PLCB4: variants seen among roughly 807,000 people sequenced by gnomAD.
The protein encoded by PLCB4 is phospholipase C beta 4.
PLCB4 carries 77 observed loss-of-function variants against 178.8 expected under a neutral mutation model. The observed-to-expected ratio is 0.43, with a 90% confidence interval of 0.36 to 0.52. The LOEUF (loss-of-function observed/expected upper bound fraction) is 0.52. Ranked by LOEUF, PLCB4 falls within the 20% of genes least tolerant of loss-of-function variation. The pLI is 0.00. For missense variants in PLCB4, 1,024 were observed against 1,453.4 expected (o/e 0.70, Z 4.80); for synonymous variants, 496 against 490.8 (o/e 1.01, Z -0.14).
chr20:9,171,416 C>T (rs1048454519), intron 2 of PLCB4, among the ~76,000 whole-genome samples: 2 of 152,184 alleles, frequency 1.3e-5, no homozygotes, highest in African/African-American at 4.8e-5. Context: ...AAATATTCAG[C>T]AGCTGTCTAT....
intron 2 of PLCB4, among the ~76,000 whole-genome samples, chr20:9,199,036 G>A (rs748829783): frequency 6.6e-6 from 1 of 152,158 alleles, no homozygotes; most frequent in East Asian, 1.9e-4. Flanking sequence ...GCTTGGATAA[G>A]GTTGGTCTAT....
intron 4 of PLCB4, among the ~76,000 whole-genome samples, chr20:9,332,438 C>G (rs1339566294): frequency 6.6e-6 from 1 of 151,622 alleles, no homozygotes; most frequent in Non-Finnish European, 1.5e-5. Flanking sequence ...TGTTTTAGTT[C>G]CTTTCAGCTG....
chr20:9,301,688 C>A (rs6140911), intron 3 of PLCB4, among the ~76,000 whole-genome samples: 2 of 152,114 alleles, frequency 1.3e-5, no homozygotes, highest in African/African-American at 4.8e-5. Flanking sequence ...CCTCAGCCCC[C>A]TTGTGTTCCT....
At chr20:9,224,213 C>T (rs1003613861) in intron 3 of PLCB4, among the ~76,000 whole-genome samples, 1 of 152,124 alleles carries the variant, frequency 6.6e-6, no homozygotes, top group East Asian at 1.9e-4. Context: ...CATTGCCACT[C>T]CTGTACCCAT....
intron 2 of PLCB4, among the ~76,000 whole-genome samples, chr20:9,151,745 G>C (rs879438162): frequency 3.3e-5 from 5 of 152,124 alleles, no homozygotes; most frequent in Non-Finnish European, 5.9e-5. Flanking sequence ...TTGCTGAAAA[G>C]ATACCCGAAA....
chr20:9,332,865 A>C (rs1274451566), intron 4 of PLCB4, among the ~76,000 whole-genome samples: 1 of 152,138 alleles, frequency 6.6e-6, no homozygotes, highest in Non-Finnish European at 1.5e-5. Context: ...TATTTTGAAA[A>C]TGATTTCTTC....
chr20:9,317,241 G>T (rs1376272291), intron 4 of PLCB4, among the ~76,000 whole-genome samples: 1 of 152,146 alleles, frequency 6.6e-6, no homozygotes, highest in Non-Finnish European at 1.5e-5. Context: ...TACTCCTCGT[G>T]TTCTTTTACT....
chr20:9,384,526 C>A, intron 14 of PLCB4, 115 bp downstream of exon 14: 1 of 719,674 alleles, frequency 1.4e-6, no homozygotes, highest in East Asian at 2.6e-5. Flanking sequence ...TTGTTTATTC[C>A]CTTTAATGGA....
intron 2 of PLCB4, among the ~76,000 whole-genome samples, chr20:9,194,532 C>CA (rs1158809378): frequency 6.6e-6 from 1 of 151,334 alleles, no homozygotes; most frequent in Non-Finnish European, 1.5e-5. Flanking sequence ...ACTAAAAATA[C>CA]AAAAAATTAG....
At chr20:9,184,447 AG>A (rs2147105427) in intron 2 of PLCB4, among the ~76,000 whole-genome samples, 1 of 152,264 alleles carries the variant, frequency 6.6e-6, no homozygotes, top group South Asian at 2.1e-4. Context: ...ATGTCATTGC[AG>A]GTGCTCTATT....
chr20:9,392,425 A>G (rs1362462869), intron 17 of PLCB4, among the ~76,000 whole-genome samples: 1 of 152,164 alleles, frequency 6.6e-6, no homozygotes, highest in Non-Finnish European at 1.5e-5. Context: ...TAAAGTTATA[A>G]AGTCATTTAC....
intron 3 of PLCB4, among the ~76,000 whole-genome samples, chr20:9,281,353 A>G (rs1601593345): frequency 6.6e-6 from 1 of 152,150 alleles, no homozygotes; most frequent in East Asian, 1.9e-4. Context: ...TGCTATTAAT[A>G]ATCTGTTAAT....
chr20:9,096,831 A>G (rs1463966916), intron 2 of PLCB4, among the ~76,000 whole-genome samples: 1 of 152,138 alleles, frequency 6.6e-6, no homozygotes, highest in Non-Finnish European at 1.5e-5. Flanking sequence ...GGTTGGGGGC[A>G]TTCTTGGGTG....
chr20:9,265,180 TG>T (rs2094336792), intron 3 of PLCB4, among the ~76,000 whole-genome samples: 1 of 152,036 alleles, frequency 6.6e-6, no homozygotes, highest in Non-Finnish European at 1.5e-5. Context: ...GAGGTGTACT[TG>T]AAAAGATGAC....
intron 9 of PLCB4, among the ~76,000 whole-genome samples, chr20:9,366,812 G>A (rs1568663176): frequency 6.6e-6 from 1 of 152,236 alleles, no homozygotes; most frequent in Non-Finnish European, 1.5e-5. Flanking sequence ...TCTCTTCCAG[G>A]GTTCTCCAGA....
intron 3 of PLCB4, among the ~76,000 whole-genome samples, chr20:9,287,027 G>T (rs1421624522): frequency 2.0e-5 from 3 of 151,608 alleles, no homozygotes; most frequent in Admixed American, 6.6e-5. Flanking sequence ...GTGTTTTTTT[G>T]TTTGTTTGTT....
chr20:9,088,857 G>A (rs1394487801), intron 1 of PLCB4, among the ~76,000 whole-genome samples: 1 of 151,898 alleles, frequency 6.6e-6, no homozygotes, highest in African/African-American at 2.4e-5. Flanking sequence ...GTATATATAT[G>A]TAAATGTGTA....
intron 2 of PLCB4, among the ~76,000 whole-genome samples, chr20:9,097,178 G>GCC (rs1157649006): frequency 6.7e-6 from 1 of 148,970 alleles, no homozygotes; most frequent in African/African-American, 2.5e-5. Context: ...CAAGTGAGCT[G>GCC]CCTACCCCGG....
At chr20:9,476,838 A>G (rs2044581039) in intron 39 of PLCB4, 85 bp downstream of exon 39, 2 of 870,598 alleles carry the variant, frequency 2.3e-6, no homozygotes, top group African/African-American at 3.3e-5. Flanking sequence ...TTTATGAGTC[A>G]CATCTGGTCA....
Sources: gnomAD v4.1 joint callset for allele counts (sites outside exome capture counted in the v4.1 genomes callset) on GRCh38, gnomAD v4.1.1 for gene constraint, MANE v1.5 for transcripts, NCBI Gene and HGNC (gene_info 2026-07-23, HGNC 2026-07-21) for gene names.